The following NTM variants were observed in gnomAD, a reference collection of about 807,000 sequenced individuals.
NTM encodes IgLON family member 2.
NTM carries 13 observed loss-of-function variants against 42.1 expected under a neutral mutation model. The ratio of observed to expected loss-of-function variants is 0.31; its 90% CI spans 0.20 to 0.49. The LOEUF (loss-of-function observed/expected upper bound fraction) is 0.49, where lower values mean the gene tolerates loss of function less well. Ranked by LOEUF, NTM falls within the 20% of genes least tolerant of loss-of-function variation. NTM has a pLI of 0.99. For missense variants in NTM, 373 were observed against 452.8 expected (o/e 0.82, Z 1.60); for synonymous variants, 187 against 179.2 (o/e 1.04, Z -0.35).
At chr11:132,304,965 G>T (rs992082560) in intron 4 of NTM, among the ~76,000 whole-genome samples, 2 of 152,076 alleles carry the variant, frequency 1.3e-5, no homozygotes, top group African/African-American at 4.8e-5. Context: ...GAGACCATAC[G>T]CCTTCCCCAA....
chr11:131,703,117 TTAGA>T (rs2076243103), intron 1 of NTM, among the ~76,000 whole-genome samples: 1 of 152,104 alleles, frequency 6.6e-6, no homozygotes. Context: ...AAGTATTGAG[TTAGA>T]TAGGAGGAAT....
At chr11:132,262,543 A>G (rs930774024) in intron 4 of NTM, among the ~76,000 whole-genome samples, 4 of 152,030 alleles carry the variant, frequency 2.6e-5, no homozygotes, top group African/African-American at 7.2e-5. Flanking sequence ...GCTTCCTCAC[A>G]TGGCAGGGGG....
chr11:131,378,571 G>C (rs1387711780), intron 1 of NTM, among the ~76,000 whole-genome samples: 5 of 152,142 alleles, frequency 3.3e-5, no homozygotes, highest in Non-Finnish European at 7.4e-5. Flanking sequence ...TACCTATAAA[G>C]CATCCTTAGA....
rs558154151 is a variant in NTM, at chr11:131,399,786, C to A, written c.82+28898C>A. The stretch of plus-strand genomic sequence containing the variant: ...AGGACTCTTGGGACTCTGCACCTGA[C>A]TGGCTGGCTTTCCAAGATCACTGAG... On this transcript the variant is annotated intron_variant, in intron 1 of 8. Coordinates refer to ENST00000683400, the MANE Select transcript of NTM (RefSeq NM_001352005.2). Among the ~76,000 whole-genome samples the A allele has an allele frequency of 2.6e-5, 4 of 152,286 alleles. No individual in the cohort carries two copies. The East Asian group carries it at 5.8e-4, about 22-fold the overall frequency.
At chr11:132,147,591 T>G (rs1257078944) in intron 3 of NTM, among the ~76,000 whole-genome samples, 2 of 152,112 alleles carry the variant, frequency 1.3e-5, no homozygotes, top group Non-Finnish European at 2.9e-5. Flanking sequence ...ATTTTTAAAA[T>G]TTTTGAGCAT....
intron 1 of NTM, among the ~76,000 whole-genome samples, chr11:131,500,203 C>G (rs1025788242): frequency 6.6e-6 from 1 of 152,178 alleles, no homozygotes; most frequent in African/African-American, 2.4e-5. Flanking sequence ...AGGATAAGCA[C>G]CCTCCAGCTG....
At chr11:131,543,186 C>T (rs1156334348) in intron 1 of NTM, among the ~76,000 whole-genome samples, 1 of 152,306 alleles carries the variant, frequency 6.6e-6, no homozygotes, top group Non-Finnish European at 1.5e-5. Context: ...ACATCAAGAC[C>T]ATGTAACCAT....
chr11:131,927,518 TG>T (rs2058095387), intron 2 of NTM, among the ~76,000 whole-genome samples: 1 of 152,232 alleles, frequency 6.6e-6, no homozygotes, highest in Non-Finnish European at 1.5e-5. Context: ...GATGCAGCTT[TG>T]TCTTTTCACC....
At chr11:131,612,850 A>G (rs373451816) in intron 1 of NTM, among the ~76,000 whole-genome samples, 45 of 152,162 alleles carry the variant, frequency 3.0e-4, no homozygotes, top group African/African-American at 1.1e-3. Context: ...CCTGTCCCCA[A>G]ATCCCTACCC....
At chr11:131,919,521 G>C (rs1412167906) in intron 2 of NTM, among the ~76,000 whole-genome samples, 1 of 152,096 alleles carries the variant, frequency 6.6e-6, no homozygotes. Flanking sequence ...CTGACTCGTA[G>C]GTACCAGGAG....
At chr11:131,525,096 T>A (rs2050281194) in intron 1 of NTM, among the ~76,000 whole-genome samples, 1 of 152,074 alleles carries the variant, frequency 6.6e-6, no homozygotes, top group South Asian at 2.1e-4. Flanking sequence ...GGGCGGGTAT[T>A]GCCAGACCTC....
At chr11:132,259,512 T>C (rs1387324754) in intron 4 of NTM, among the ~76,000 whole-genome samples, 1 of 151,770 alleles carries the variant, frequency 6.6e-6, no homozygotes, top group Non-Finnish European at 1.5e-5. Flanking sequence ...AAACACCATC[T>C]CTACTAAAAA....
At chr11:131,722,753 C>T (rs997679291) in intron 1 of NTM, among the ~76,000 whole-genome samples, 1 of 152,112 alleles carries the variant, frequency 6.6e-6, no homozygotes, top group Non-Finnish European at 1.5e-5. Flanking sequence ...GATTAGCTGG[C>T]CTGGAACACC....
intron 2 of NTM, among the ~76,000 whole-genome samples, chr11:132,094,533 A>C (rs976742036): frequency 6.6e-6 from 1 of 152,214 alleles, no homozygotes; most frequent in African/African-American, 2.4e-5. Flanking sequence ...TAGGAAGACC[A>C]AAAATGAATG....
intron 1 of NTM, among the ~76,000 whole-genome samples, chr11:131,894,392 AG>A (rs2051901468): frequency 6.6e-6 from 1 of 152,204 alleles, no homozygotes; most frequent in Admixed American, 6.5e-5. Context: ...TAAGAAAGTA[AG>A]GGAGTGAAGA....
chr11:132,293,683 T>TC (rs535999732), intron 4 of NTM, among the ~76,000 whole-genome samples: 107 of 152,156 alleles, frequency 7.0e-4, no homozygotes, highest in Non-Finnish European at 1.2e-3. Flanking sequence ...AAGGTTTTTT[T>TC]TTTTTCTTTT....
At chr11:132,163,189 C>T (rs979197635) in intron 3 of NTM, among the ~76,000 whole-genome samples, 3 of 152,150 alleles carry the variant, frequency 2.0e-5, no homozygotes, top group African/African-American at 7.2e-5. Context: ...GCAGCAGCAA[C>T]AGGACTGAAT....
At chr11:131,419,302 T>A (rs1490322629) in intron 1 of NTM, among the ~76,000 whole-genome samples, 1 of 152,194 alleles carries the variant, frequency 6.6e-6, no homozygotes, top group Non-Finnish European at 1.5e-5. Flanking sequence ...TTTTCTTACC[T>A]TATATGTGTA....
At chr11:131,497,344 A>G (rs1466761724) in intron 1 of NTM, among the ~76,000 whole-genome samples, 2 of 149,518 alleles carry the variant, frequency 1.3e-5, no homozygotes, top group African/African-American at 4.9e-5. Flanking sequence ...TCCTGCCACC[A>G]TGCCTGGCTA....
Sources: allele counts gnomAD v4.1 joint callset (sites outside exome capture counted in the v4.1 genomes callset), GRCh38; gene constraint gnomAD v4.1.1; transcripts MANE v1.5; gene names NCBI Gene and HGNC (gene_info 2026-07-23, HGNC 2026-07-21).